The following CTNNA1 variants were observed in gnomAD, a reference collection of about 807,000 sequenced individuals.
The protein encoded by CTNNA1 is catenin alpha 1.
CTNNA1 carries 37 observed loss-of-function variants against 98.4 expected under a neutral mutation model. The ratio of observed to expected loss-of-function variants is 0.38; its 90% CI spans 0.29 to 0.49. The LOEUF is 0.49. CTNNA1 is among the 20% of genes least tolerant of loss of function. CTNNA1 has a pLI of 0.95. For synonymous variants in CTNNA1, 404 were observed against 413.2 expected (o/e 0.98, Z 0.27); for missense variants, 761 against 1,147.2 (o/e 0.66, Z 4.86).
chr5:138,818,065 T>C (rs1759615610), intron 5 of CTNNA1, among the ~76,000 whole-genome samples: 1 of 151,932 alleles, frequency 6.6e-6, no homozygotes, highest in African/African-American at 2.4e-5. Flanking sequence ...TGTGAGCCAC[T>C]GCATCTGGGC....
intron 9 of CTNNA1, 59 bp downstream of exon 9, chr5:138,887,701 T>C: frequency 7.0e-7 from 1 of 1,436,020 alleles, no homozygotes; most frequent in South Asian, 1.3e-5. Flanking sequence ...TGGTGAGTTT[T>C]AATCACATTA....
intron 1 of CTNNA1, among the ~76,000 whole-genome samples, chr5:138,774,690 C>T (rs1753897724): frequency 6.6e-6 from 1 of 151,778 alleles, no homozygotes; most frequent in Non-Finnish European, 1.5e-5. Context: ...GGCGCGATCT[C>T]GGCTCACTGC....
At chr5:138,892,982 C>T (rs1259770265) in intron 9 of CTNNA1, among the ~76,000 whole-genome samples, 2 of 151,968 alleles carry the variant, frequency 1.3e-5, no homozygotes, top group Non-Finnish European at 2.9e-5. Flanking sequence ...CGCCGCTGCT[C>T]TCTAGTCTGA....
At chr5:138,925,843 C>G (rs774704889) in intron 13 of CTNNA1, among the ~76,000 whole-genome samples, 2 of 152,160 alleles carry the variant, frequency 1.3e-5, no homozygotes, top group Admixed American at 1.3e-4. Flanking sequence ...GGGGGAGGAG[C>G]GGCCCCAGGT....
intron 7 of CTNNA1, among the ~76,000 whole-genome samples, chr5:138,865,310 C>T (rs560236548): frequency 1.9e-4 from 29 of 152,266 alleles, no homozygotes; most frequent in East Asian, 3.9e-4. Context: ...CCTTGGGTCA[C>T]GGCAAAGTTT....
At chr5:138,871,222 G>T (rs1581368052) in intron 7 of CTNNA1, 1 of 152,188 alleles carries the variant, frequency 6.6e-6, no homozygotes, top group Non-Finnish European at 1.5e-5. Context: ...TTGGGGAAAA[G>T]ATAACTTGAA....
At chr5:138,825,051 C>A (rs1228320798) in intron 6 of CTNNA1, among the ~76,000 whole-genome samples, 4 of 152,088 alleles carry the variant, frequency 2.6e-5, no homozygotes, top group Non-Finnish European at 5.9e-5. Flanking sequence ...CCTATGAGGT[C>A]ATTCTTTACT....
rs935882394 is a variant in CTNNA1, at chr5:138,767,258, G to A, written c.-3+13748G>A. Among the ~76,000 whole-genome samples, 4 of 152,128 alleles carry A rather than the reference G, an allele frequency of 2.6e-5. No homozygotes were observed. In the East Asian group the frequency reaches 5.8e-4, roughly 22 times the overall value. ...TCACTGTGTTAGCCAGGATGGTCTC[G>A]ATCTCCTGACCTTGTGATCTGCCCA... On this transcript the variant is annotated intron_variant, in intron 1 of 17. Coordinates refer to ENST00000302763, the MANE Select transcript of CTNNA1 (RefSeq NM_001903.5).
chr5:138,818,805 G>A (rs913241087), intron 5 of CTNNA1, among the ~76,000 whole-genome samples: 3 of 152,194 alleles, frequency 2.0e-5, no homozygotes, highest in Non-Finnish European at 4.4e-5. Context: ...TGTACGAGCA[G>A]CTACTGTGGC....
At chr5:138,905,250 A>G (rs1192464364) in intron 10 of CTNNA1, among the ~76,000 whole-genome samples, 1 of 152,106 alleles carries the variant, frequency 6.6e-6, no homozygotes, top group East Asian at 1.9e-4. Context: ...AGATCACACC[A>G]CTGCACTCCA....
intron 4 of CTNNA1, 194 bp from the exon 5 acceptor site, chr5:138,811,989 A>G (rs1758864233): frequency 2.0e-6 from 1 of 495,782 alleles, no homozygotes; most frequent in South Asian, 2.3e-5. Flanking sequence ...AGAGGCCAAT[A>G]TTAGTGTTTT....
intron 5 of CTNNA1, among the ~76,000 whole-genome samples, chr5:138,814,660 T>C (rs1759227481): frequency 6.6e-6 from 1 of 152,230 alleles, no homozygotes; most frequent in African/African-American, 2.4e-5. Context: ...TGAGCTTGGT[T>C]TATGAAGACT....
chr5:138,807,042 G>A (rs542474382), intron 3 of CTNNA1, among the ~76,000 whole-genome samples: 84 of 139,140 alleles, frequency 6.0e-4, no homozygotes, highest in African/African-American at 2.1e-3. Flanking sequence ...ACAGACTCTC[G>A]CTTTGTTGCC....
chr5:138,886,145 G>T (rs1345789608), intron 7 of CTNNA1, 67 bp from the exon 8 acceptor site: 2 of 1,543,458 alleles, frequency 1.3e-6, no homozygotes, highest in East Asian at 4.6e-5. Context: ...GAGCACAAAT[G>T]GCTATAGGCT....
At chr5:138,918,912 C>G (rs928609958) in intron 11 of CTNNA1, among the ~76,000 whole-genome samples, 1 of 152,196 alleles carries the variant, frequency 6.6e-6, no homozygotes, top group African/African-American at 2.4e-5. Context: ...AGTACATGCA[C>G]AGCACAGTCC....
Position 138,887,537 on chromosome 5 carries a change from C to G in CTNNA1, c.1191C>G (p.Thr397=). The G allele has an allele frequency of 6.2e-7, 1 of 1,610,312 alleles. No individual in the cohort carries two copies. The highest frequency in any genetic ancestry group is 1.1e-5 in the South Asian group (1 of 90,462). The change falls in exon 9 of 18, where the codon ACC becomes ACG. Residue 397 remains threonine (T), a synonymous_variant. Transcript: ENST00000302763. ...MDHVSDSFLE[T]NVPLLVLIEA... Reference sequence around the variant, plus strand: ...ACGTTTCAGATTCTTTCCTGGAAACCAATGTTCCACTTTTGGTATTGATTG... The same window carrying G: ...ACGTTTCAGATTCTTTCCTGGAAACGAATGTTCCACTTTTGGTATTGATTG...
chr5:138,776,913 C>T (rs1320240453), intron 1 of CTNNA1, among the ~76,000 whole-genome samples: 1 of 132,872 alleles, frequency 7.5e-6, no homozygotes, highest in Non-Finnish European at 1.6e-5. Flanking sequence ...ACCCCCCCAC[C>T]TCCCTCCCGG....
At chr5:138,897,746 A>G (rs1255427275) in intron 9 of CTNNA1, among the ~76,000 whole-genome samples, 7 of 152,168 alleles carry the variant, frequency 4.6e-5, no homozygotes, top group Non-Finnish European at 1.0e-4. Context: ...TTGAGACAAA[A>G]TTGTCTTACA....
chr5:138,868,604 C>T (rs542160935), intron 7 of CTNNA1, among the ~76,000 whole-genome samples: 2 of 152,336 alleles, frequency 1.3e-5, no homozygotes, highest in African/African-American at 4.8e-5. Flanking sequence ...CAGCCAACTC[C>T]ATGCCCTGTG....
Sources: gnomAD v4.1 joint callset for allele counts (sites outside exome capture counted in the v4.1 genomes callset) on GRCh38, gnomAD v4.1.1 for gene constraint, MANE v1.5 for transcripts, NCBI Gene and HGNC (gene_info 2026-07-23, HGNC 2026-07-21) for gene names.